Variants in PDCD6IP observed in about 807,000 individuals in gnomAD.
PDCD6IP encodes the protein programmed cell death 6-interacting protein.
PDCD6IP carries 43 observed loss-of-function variants against 103.7 expected under a neutral mutation model. The observed-to-expected ratio is 0.41, with a 90% CI of 0.32 to 0.53. PDCD6IP has a LOEUF of 0.53. Among genes scored for constraint, PDCD6IP ranks in the 20% least tolerant of loss-of-function variants. PDCD6IP has a pLI of 0.16. For synonymous variants in PDCD6IP, 354 were observed against 378.7 expected (o/e 0.93, Z 0.76); for missense variants, 871 against 1,036.7 (o/e 0.84, Z 2.20).
intron 10 of PDCD6IP, among the ~76,000 whole-genome samples, chr3:33,843,484 AAAG>A (rs1697520311): frequency 6.6e-6 from 1 of 152,230 alleles, no homozygotes; most frequent in Admixed American, 6.5e-5. Context: ...CATTGTCAAA[AAAG>A]AAGAATTCTA....
intron 7 of PDCD6IP, among the ~76,000 whole-genome samples, chr3:33,829,807 C>T (rs1379824465): frequency 6.6e-6 from 1 of 152,086 alleles, no homozygotes; most frequent in African/African-American, 2.4e-5. Flanking sequence ...TGATAAAGAA[C>T]AGAAATTTGT....
chr3:33,829,250 T>G lies in PDCD6IP; in HGVS notation c.834+281T>G, dbSNP rs905826346. ...TTAATTGCCATCTCCAGATTGTTTT[T>G]GTCTTTAGACTTTACTGCATGGTTT... On this transcript the variant is annotated intron_variant, in intron 7 of 17. Transcript: ENST00000307296. Among the ~76,000 whole-genome samples the G allele has an allele frequency of 3.9e-5, 6 of 152,224 alleles. No homozygotes were observed. In the South Asian group the frequency reaches 6.2e-4, roughly 16 times the overall value.
At position 33,838,205 on chromosome 3, in the gene PDCD6IP, T is replaced by C; in HGVS notation, c.1059T>C (p.Asp353=). Residue 353 remains aspartate (D), a splice_region_variant and synonymous_variant, in exon 9 of 18, where the codon GAT becomes GAC. Coordinates refer to ENST00000307296, the MANE Select transcript of PDCD6IP (RefSeq NM_013374.6). ...TGTAATTTCTCTTCCTAATTTTAGATCTGTTTGAGAAGATGGTTCCCGTGT... is the reference window on the plus strand; with the variant it reads ...TGTAATTTCTCTTCCTAATTTTAGACCTGTTTGAGAAGATGGTTCCCGTGT... ...VNVPISQKFT[D]LFEKMVPVSV... 1 of 1,612,260 alleles carries C rather than the reference T, an allele frequency of 6.2e-7. No individual in the cohort carries two copies. The highest frequency in any genetic ancestry group is 8.5e-7 in the Non-Finnish European group (1 of 1,179,466).
chr3:33,862,533 CAG>C (rs1334708908), intron 15 of PDCD6IP, among the ~76,000 whole-genome samples: 1 of 152,132 alleles, frequency 6.6e-6, no homozygotes, highest in Admixed American at 6.5e-5. Flanking sequence ...TTAGAGGAGA[CAG>C]AATTTTCTAA....
At chr3:33,839,592 G>T (rs111543659) in intron 9 of PDCD6IP, among the ~76,000 whole-genome samples, 1 of 152,176 alleles carries the variant, frequency 6.6e-6, no homozygotes. Flanking sequence ...TCTTCGTGTG[G>T]ACATATTTTA....
In PDCD6IP at chr3:33,841,040, T is replaced by TTC. The variant is rs1553708503; in HGVS notation, c.1182-857_1182-856insTC. On this transcript the variant is annotated intron_variant, in intron 9 of 17. Transcript: ENST00000307296. ...TTATTTTTTGACTTTTTTTTTTTTT[T>TTC]CCCCCGAGACGGAGTCTCACTCTGT... Among the ~76,000 whole-genome samples the TTC allele has an allele frequency of 3.8e-4, 57 of 150,498 alleles. 1 individual carries two copies. In the South Asian group the frequency reaches 4.6e-3, roughly 12 times the overall value.
rs1286602326 is a variant in PDCD6IP, at chr3:33,845,558, T to C, written c.1611T>C (p.Ala537=). 1.2e-6 allele frequency: 2 copies of C among 1,611,942 alleles called. No homozygotes were observed. The highest frequency in any genetic ancestry group is 1.3e-5 in the African/African-American group (1 of 74,882). ...EPELNAAIPS[A]NPAKTMQGSE... Reference sequence around the variant, plus strand: ...AGCTGAATGCTGCCATCCCTTCTGCTAATCCAGCAAAGACCATGCAGGGCA... The same window carrying C: ...AGCTGAATGCTGCCATCCCTTCTGCCAATCCAGCAAAGACCATGCAGGGCA... Residue 537 remains alanine, a synonymous_variant, in exon 12 of 18, where the codon GCT becomes GCC. Transcript: ENST00000307296.
chr3:33,845,086 A>C (rs918001172), intron 11 of PDCD6IP, among the ~76,000 whole-genome samples: 2 of 151,926 alleles, frequency 1.3e-5, no homozygotes, highest in Middle Eastern at 3.4e-3. Context: ...GAATACTTTT[A>C]AAATAAATGG....
At chr3:33,859,150 C>T (rs1459076617) in intron 15 of PDCD6IP, among the ~76,000 whole-genome samples, 1 of 152,064 alleles carries the variant, frequency 6.6e-6, no homozygotes, top group Admixed American at 6.6e-5. Flanking sequence ...TGTAAAAGAT[C>T]TTCAGCCAAC....
intron 6 of PDCD6IP, chr3:33,827,027 A>G: frequency 1.0e-6 from 1 of 994,074 alleles, no homozygotes; most frequent in Non-Finnish European, 1.2e-6. Flanking sequence ...AACTTAACAA[A>G]TTCATCTGAT....
intron 1 of PDCD6IP, among the ~76,000 whole-genome samples, chr3:33,808,067 C>T (rs968181783): frequency 3.9e-5 from 6 of 152,120 alleles, no homozygotes; most frequent in East Asian, 1.9e-4. Flanking sequence ...TGCATTTTAC[C>T]GATTCATTTG....
chr3:33,866,265 A>C (rs1698062088), intron 17 of PDCD6IP, 86 bp from the exon 18 acceptor site: 3 of 883,888 alleles, frequency 3.4e-6, no homozygotes, highest in African/African-American at 3.5e-5. Flanking sequence ...AATGACTTTC[A>C]TGAAAAACGT....
intron 7 of PDCD6IP, among the ~76,000 whole-genome samples, chr3:33,833,839 G>A (rs1417480088): frequency 6.6e-6 from 1 of 152,032 alleles, no homozygotes; most frequent in Non-Finnish European, 1.5e-5. Flanking sequence ...TTTGCTGGGG[G>A]TTCCTGTGCA....
chr3:33,803,729 G>C (rs1696529635), intron 1 of PDCD6IP, among the ~76,000 whole-genome samples: 1 of 152,008 alleles, frequency 6.6e-6, no homozygotes, highest in African/African-American at 2.4e-5. Context: ...CCAAAGGTTT[G>C]GAGCCACCTT....
intron 15 of PDCD6IP, among the ~76,000 whole-genome samples, chr3:33,863,247 T>G (rs1697991846): frequency 6.6e-6 from 1 of 152,202 alleles, no homozygotes; most frequent in Non-Finnish European, 1.5e-5. Context: ...GCAATTAGGA[T>G]ATTCATCTCA....
intron 4 of PDCD6IP, among the ~76,000 whole-genome samples, chr3:33,824,382 C>T (rs886077546): frequency 5.3e-5 from 8 of 151,984 alleles, no homozygotes; most frequent in African/African-American, 9.7e-5. Flanking sequence ...CTCAGCCTCC[C>T]GAGCAGCTGG....
chr3:33,836,803 G>C (rs1409389754), intron 8 of PDCD6IP, among the ~76,000 whole-genome samples: 1 of 151,850 alleles, frequency 6.6e-6, no homozygotes, highest in Non-Finnish European at 1.5e-5. Flanking sequence ...AGGTTGCAGT[G>C]AGCTGAGACC....
At chr3:33,839,439 AGCAGTATTCCATTTTATGGTTATAGG>A (rs953784866) in intron 9 of PDCD6IP, among the ~76,000 whole-genome samples, 6 of 152,004 alleles carry the variant, frequency 3.9e-5, no homozygotes, top group African/African-American at 7.3e-5. Flanking sequence ...TCTATGGCTG[AGCAGTATTCCATTTTATGGTTATAGG>A]GCAGTATTCC....
intron 9 of PDCD6IP, among the ~76,000 whole-genome samples, chr3:33,841,108 A>T (rs977316022): frequency 1.3e-5 from 2 of 150,530 alleles, no homozygotes; most frequent in Non-Finnish European, 2.9e-5. Flanking sequence ...GCTCACTGCA[A>T]CCTTCGCCTC....
Sources: gnomAD v4.1 joint callset for allele counts (sites outside exome capture counted in the v4.1 genomes callset) on GRCh38, gnomAD v4.1.1 for gene constraint, MANE v1.5 for transcripts, NCBI Gene and HGNC (gene_info 2026-07-23, HGNC 2026-07-21) for gene names.